ARFGEF3: variants seen among roughly 807,000 people sequenced by gnomAD.
ARFGEF3 encodes ARFGEF family member 3, also known as brefeldin A-inhibited guanine nucleotide-exchange protein 3.
In ARFGEF3, 96 loss-of-function variants were observed where a neutral mutation model predicts 221.7. The ratio of observed to expected loss-of-function variants is 0.43; its 90% CI spans 0.37 to 0.51. The LOEUF (loss-of-function observed/expected upper bound fraction) is 0.51. Among genes scored for constraint, ARFGEF3 ranks in the 20% least tolerant of loss-of-function variants. The pLI is 0.00. For missense variants in ARFGEF3, 2,410 were observed against 2,789.9 expected, an observed-to-expected ratio of 0.86 and a Z score of 3.07; for synonymous variants, 1,145 against 1,126.8, an observed-to-expected ratio of 1.02 and a Z score of -0.32.
intron 7 of ARFGEF3, among the ~76,000 whole-genome samples, chr6:138,243,218 C>T (rs957906954): frequency 5.3e-5 from 8 of 152,180 alleles, no homozygotes; most frequent in African/African-American, 1.9e-4. Flanking sequence ...CCTGATCTAA[C>T]TACCTGAGGG....
chr6:138,294,257 A>G, intron 20 of ARFGEF3, 131 bp downstream of exon 20: 1 of 973,954 alleles, frequency 1.0e-6, no homozygotes, highest in Non-Finnish European at 1.5e-6. Context: ...GCTAAGCCCA[A>G]GTATAGATTT....
chr6:138,258,229 A>G (rs889805103), intron 10 of ARFGEF3, among the ~76,000 whole-genome samples: 2 of 148,686 alleles, frequency 1.3e-5, no homozygotes, highest in African/African-American at 5.0e-5. Context: ...TTCAATTCCC[A>G]CCTCCCCGCC....
chr6:138,199,978 C>A (rs1777503069), intron 2 of ARFGEF3, among the ~76,000 whole-genome samples: 1 of 152,062 alleles, frequency 6.6e-6, no homozygotes, highest in Non-Finnish European at 1.5e-5. Context: ...ATGCTTTCAA[C>A]TTTTAGCCAT....
intron 5 of ARFGEF3, among the ~76,000 whole-genome samples, chr6:138,233,180 G>A (rs1358903462): frequency 6.6e-6 from 1 of 152,116 alleles, no homozygotes; most frequent in African/African-American, 2.4e-5. Context: ...TATGGATAGT[G>A]TATCTTTTCT....
intron 12 of ARFGEF3, among the ~76,000 whole-genome samples, chr6:138,277,780 A>G (rs1294943003): frequency 1.3e-5 from 2 of 152,238 alleles, no homozygotes; most frequent in Admixed American, 1.3e-4. Flanking sequence ...ATATGTTAAT[A>G]TAAAACTGGG....
chr6:138,277,721 G>A (rs1779123664), intron 12 of ARFGEF3, among the ~76,000 whole-genome samples: 2 of 152,170 alleles, frequency 1.3e-5, no homozygotes, highest in Admixed American at 1.3e-4. Context: ...TGAATGAAAT[G>A]TCACCCTCTC....
At chr6:138,248,873 A>T (rs1778532696) in intron 8 of ARFGEF3, among the ~76,000 whole-genome samples, 1 of 152,236 alleles carries the variant, frequency 6.6e-6, no homozygotes, top group Admixed American at 6.5e-5. Flanking sequence ...AAGATAAGGC[A>T]GAATGAGTCT....
In ARFGEF3 at chr6:138,344,556, T is replaced by G. The variant is rs575688326; in HGVS notation, c.*8070T>G. 3 of 152,308 alleles carry G rather than the reference T, an allele frequency of 2.0e-5. No homozygotes were observed. The East Asian group carries it at 5.8e-4, about 29-fold the overall frequency. The allele number at this position is 152,308 out of a possible 1,614,324, so 9.4% of individuals were successfully genotyped here. On this transcript the variant is annotated 3_prime_UTR_variant, in exon 34 of 34. Transcript: ENST00000251691. ...ATGAAAATTCTAAAGAGAAAATATT[T>G]TAAAAGATATTGTATTTATGTTGCT... is the stretch of plus-strand genomic sequence containing the variant.
intron 1 of ARFGEF3, among the ~76,000 whole-genome samples, chr6:138,170,136 A>G (rs1776798715): frequency 2.0e-5 from 3 of 152,228 alleles, no homozygotes. Context: ...TGGATTAACA[A>G]GATTTGGATG....
rs45464892 is a variant in ARFGEF3 at position 138,341,196 on chromosome 6, A to T, written c.*4710A>T. 755 of 153,652 alleles carry T rather than the reference A, an allele frequency of 4.9e-3. 5 individuals are homozygous for T. The highest frequency in any genetic ancestry group is 8.7e-3 in the Non-Finnish European group (592 of 68,216). 9.5% of individuals were successfully genotyped at this position (153,652 alleles called of 1,614,324 possible). ...CTCAGAATAAAGTGCCCTGTAGCCA[A>T]CAGTGCCTCTTTACTTGCTTCTCTG... On this transcript the variant is annotated 3_prime_UTR_variant, in exon 34 of 34. Transcript: ENST00000251691.
At chr6:138,173,174 T>G (rs1280725797) in intron 2 of ARFGEF3, among the ~76,000 whole-genome samples, 1 of 152,038 alleles carries the variant, frequency 6.6e-6, no homozygotes, top group Non-Finnish European at 1.5e-5. Context: ...GATGAAGGTG[T>G]TTTTCAACTT....
At chr6:138,213,413 G>A (rs1019565886) in intron 4 of ARFGEF3, among the ~76,000 whole-genome samples, 17 of 150,946 alleles carry the variant, frequency 1.1e-4, no homozygotes, top group Middle Eastern at 3.4e-3. Flanking sequence ...AGCCGAGATC[G>A]TACCACTGCT....
intron 4 of ARFGEF3, among the ~76,000 whole-genome samples, chr6:138,212,462 A>T (rs899191792): frequency 1.3e-5 from 2 of 152,228 alleles, no homozygotes; most frequent in Non-Finnish European, 2.9e-5. Context: ...CAGTGTGGCA[A>T]TTCCTCAAGG....
chr6:138,282,858 G>A (rs1375607480), intron 14 of ARFGEF3, among the ~76,000 whole-genome samples: 1 of 152,110 alleles, frequency 6.6e-6, no homozygotes, highest in African/African-American at 2.4e-5. Context: ...AGACCAGCCT[G>A]GCCAACATGG....
At chr6:138,205,107 A>G (rs1777603972) in intron 2 of ARFGEF3, among the ~76,000 whole-genome samples, 1 of 152,248 alleles carries the variant, frequency 6.6e-6, no homozygotes. Context: ...TAATATAGAT[A>G]GGCGAACATA....
intron 1 of ARFGEF3, among the ~76,000 whole-genome samples, chr6:138,164,105 G>C (rs180917449): frequency 1.5e-3 from 231 of 152,296 alleles, no homozygotes; most frequent in African/African-American, 5.3e-3. Flanking sequence ...TGTTAGAAGG[G>C]CATGCTGGAG....
In ARFGEF3 at chr6:138,197,487, T is replaced by G. The variant is rs191468460; in HGVS notation, c.138-9555T>G. Among the ~76,000 whole-genome samples, 36 of 152,374 alleles carry G rather than the reference T, an allele frequency of 2.4e-4. No individual in the cohort carries two copies. The East Asian group carries it at 6.6e-3, about 28-fold the overall frequency. ...TCAAATGTGATGTACTGTACCTAAT[T>G]GTATGTGCTATGCTTTTATACAACT... is the stretch of plus-strand genomic sequence containing the variant. On this transcript the variant is annotated intron_variant, in intron 2 of 33. Coordinates refer to ENST00000251691, the MANE Select transcript of ARFGEF3 (RefSeq NM_020340.5).
At chr6:138,262,140 C>A (rs1304083893) in intron 11 of ARFGEF3, among the ~76,000 whole-genome samples, 1 of 151,414 alleles carries the variant, frequency 6.6e-6, no homozygotes, top group African/African-American at 2.4e-5. Context: ...TCTATTTGTA[C>A]CCAAAAAACC....
At chr6:138,174,023 A>C (rs1776890335) in intron 2 of ARFGEF3, among the ~76,000 whole-genome samples, 1 of 152,238 alleles carries the variant, frequency 6.6e-6, no homozygotes, top group South Asian at 2.1e-4. Flanking sequence ...AACCATATGA[A>C]TGAGACACAG....
Sources: allele counts gnomAD v4.1 joint callset (sites outside exome capture counted in the v4.1 genomes callset), GRCh38; gene constraint gnomAD v4.1.1; transcripts MANE v1.5; gene names NCBI Gene and HGNC (gene_info 2026-07-23, HGNC 2026-07-21).